Variants in RGL1 observed in about 807,000 individuals in gnomAD.
RGL1 encodes ral guanine nucleotide dissociation stimulator like 1.
RGL1 carries 24 observed loss-of-function variants against 95.2 expected under a neutral mutation model. That is an observed-to-expected ratio of 0.25 (90% CI 0.18 to 0.35). The LOEUF is 0.35. RGL1 is among the 10% of genes least tolerant of loss of function. The pLI is 1.00. For missense variants in RGL1, 715 were observed against 936.3 expected (o/e 0.76, Z 3.08); for synonymous variants, 329 against 344.9 (o/e 0.95, Z 0.51).
chr1:183,928,248 G>A lies in RGL1; in HGVS notation c.*1956G>A, dbSNP rs1032393948. 2 of 151,818 alleles carry A rather than the reference G, an allele frequency of 1.3e-5. No individual in the cohort carries two copies. The highest frequency in any genetic ancestry group is 4.9e-5 in the African/African-American group (2 of 41,176). The allele number at this position is 151,818 out of a possible 1,614,324, so 9.4% of individuals were successfully genotyped here. On this transcript the variant is annotated 3_prime_UTR_variant, in exon 18 of 18. Coordinates refer to ENST00000360851, the MANE Select transcript of RGL1 (RefSeq NM_001297671.3). ...TATGTTGTGCCCGTGTTCATCCTGT[G>A]TATTTATACTGTATATGTAGAGTCT...
intron 1 of RGL1, among the ~76,000 whole-genome samples, chr1:183,706,873 C>T (rs901533640): frequency 4.6e-5 from 7 of 152,174 alleles, no homozygotes; most frequent in Middle Eastern, 6.3e-3. Flanking sequence ...CTGAAGCTTG[C>T]GCCAAATACT....
Position 183,673,794 on chromosome 1 carries a change from C to T in RGL1, c.-33+37293C>T, listed in dbSNP as rs573030217. ...CTACCCTTTGGGATCATCCTCTTTTCCAGATGCCTGCCTAAACCAAGTGTG... is the reference window on the plus strand; with the variant it reads ...CTACCCTTTGGGATCATCCTCTTTTTCAGATGCCTGCCTAAACCAAGTGTG... On this transcript the variant is annotated intron_variant, in intron 1 of 18. Coordinates refer to the RGL1 transcript ENST00000304685. Among the ~76,000 whole-genome samples, 157 of 152,290 alleles carry T rather than the reference C, an allele frequency of 1.0e-3. 1 individual carries two copies. Among genetic ancestry groups the T allele is most frequent in the Non-Finnish European group, 1.6e-3 (110 of 68,026 alleles).
chr1:183,813,353 A>C (rs74130640), intron 2 of RGL1, among the ~76,000 whole-genome samples: 9,272 of 152,276 alleles, frequency 0.061, 898 homozygotes, highest in African/African-American at 0.2. Context: ...TGCCTGCGTT[A>C]CTGTCAGAAG....
intron 2 of RGL1, among the ~76,000 whole-genome samples, chr1:183,819,435 C>T (rs1336051053): frequency 2.0e-5 from 3 of 152,186 alleles, no homozygotes; most frequent in Non-Finnish European, 2.9e-5. Flanking sequence ...TTCATTAGTA[C>T]AACTCAATTC....
chr1:183,711,380 A>C (rs1655254705), intron 1 of RGL1, among the ~76,000 whole-genome samples: 1 of 152,148 alleles, frequency 6.6e-6, no homozygotes, highest in South Asian at 2.1e-4. Flanking sequence ...TGGAGCCTGC[A>C]GTCTCTCCCA....
At chr1:183,744,799 CTTG>C (rs1454620688) in intron 2 of RGL1, among the ~76,000 whole-genome samples, 1 of 152,012 alleles carries the variant, frequency 6.6e-6, no homozygotes, top group East Asian at 1.9e-4. Flanking sequence ...TCTTCATTCT[CTTG>C]TTGATTAACT....
chr1:183,774,329 T>C (rs1391077906), intron 2 of RGL1, among the ~76,000 whole-genome samples: 2 of 152,148 alleles, frequency 1.3e-5, no homozygotes, highest in Admixed American at 6.5e-5. Flanking sequence ...TTTGTTTGTT[T>C]TGTTATGAAA....
chr1:183,925,083 AG>A (rs1297536714), intron 17 of RGL1, among the ~76,000 whole-genome samples: 1 of 152,246 alleles, frequency 6.6e-6, no homozygotes, highest in Admixed American at 6.5e-5. Context: ...CAAAAATTAC[AG>A]ATGTCTAGTT....
At chr1:183,766,785 C>T (rs1181654236) in intron 2 of RGL1, among the ~76,000 whole-genome samples, 1 of 151,884 alleles carries the variant, frequency 6.6e-6, no homozygotes, top group Non-Finnish European at 1.5e-5. Context: ...GGCTGGTGTG[C>T]TCTATCATTT....
intron 2 of RGL1, among the ~76,000 whole-genome samples, chr1:183,807,848 C>T (rs1352519724): frequency 6.6e-6 from 1 of 152,180 alleles, no homozygotes; most frequent in Non-Finnish European, 1.5e-5. Flanking sequence ...TTATGTATAT[C>T]ACTAGCAGAC....
intron 1 of RGL1, among the ~76,000 whole-genome samples, chr1:183,712,589 T>G (rs1558167143): frequency 1.3e-5 from 2 of 152,190 alleles, no homozygotes; most frequent in Non-Finnish European, 2.9e-5. Flanking sequence ...CCACATTCTA[T>G]TTAGGTTTTG....
chr1:183,880,974 G>A (rs1012167172), intron 5 of RGL1, among the ~76,000 whole-genome samples, 174 bp downstream of exon 5: 1 of 152,090 alleles, frequency 6.6e-6, no homozygotes, highest in Non-Finnish European at 1.5e-5. Flanking sequence ...GTACTAATTA[G>A]AGAGCCTAGA....
chr1:183,807,944 G>A (rs963720100), intron 2 of RGL1, among the ~76,000 whole-genome samples: 2 of 152,132 alleles, frequency 1.3e-5, no homozygotes, highest in African/African-American at 2.4e-5. Context: ...TAAATGTGGC[G>A]TCCATGTGGT....
At chr1:183,905,717 G>A (rs765756251) in intron 13 of RGL1, among the ~76,000 whole-genome samples, 2 of 152,064 alleles carry the variant, frequency 1.3e-5, no homozygotes, top group Non-Finnish European at 1.5e-5. Context: ...GGCTCAGCAC[G>A]TCCCTGTCCT....
At chr1:183,843,004 G>A (rs1297842231) in intron 2 of RGL1, among the ~76,000 whole-genome samples, 1 of 152,156 alleles carries the variant, frequency 6.6e-6, no homozygotes, top group African/African-American at 2.4e-5. Context: ...TCAGTGGTAA[G>A]CAGATCATTT....
intron 16 of RGL1, among the ~76,000 whole-genome samples, chr1:183,919,662 C>T (rs1006081199): frequency 6.6e-6 from 1 of 152,100 alleles, no homozygotes; most frequent in African/African-American, 2.4e-5. Context: ...CCTCAGTGAC[C>T]ATGGAAAAAT....
chr1:183,813,047 C>T (rs1214313197), intron 2 of RGL1, among the ~76,000 whole-genome samples: 1 of 152,068 alleles, frequency 6.6e-6, no homozygotes, highest in African/African-American at 2.4e-5. Context: ...CTGACAGCTG[C>T]AGGGGAGATG....
chr1:183,878,056 T>G (rs1318950831), intron 4 of RGL1, among the ~76,000 whole-genome samples: 1 of 152,188 alleles, frequency 6.6e-6, no homozygotes, highest in Non-Finnish European at 1.5e-5. Flanking sequence ...AATTATGGTG[T>G]GTCCACATCA....
At chr1:183,708,787 T>C (rs1013116032) in intron 1 of RGL1, among the ~76,000 whole-genome samples, 1 of 152,328 alleles carries the variant, frequency 6.6e-6, no homozygotes, top group East Asian at 1.9e-4. Flanking sequence ...CTGGTGTGCA[T>C]GCACAGAGAG....
Sources: allele counts gnomAD v4.1 joint callset (sites outside exome capture counted in the v4.1 genomes callset), GRCh38; gene constraint gnomAD v4.1.1; transcripts MANE v1.5; gene names NCBI Gene and HGNC (gene_info 2026-07-23, HGNC 2026-07-21).